The following COL24A1 variants were observed in gnomAD, a reference collection of about 807,000 sequenced individuals.
COL24A1 encodes collagen alpha-1(XXIV) chain.
A neutral mutation model predicts 253.9 loss-of-function variants in COL24A1; 224 were observed. The ratio of observed to expected loss-of-function variants is 0.88; its 90% CI spans 0.79 to 0.99. The LOEUF (loss-of-function observed/expected upper bound fraction) is 0.99, where lower values mean the gene tolerates loss of function less well. COL24A1 is among the 50% of genes least tolerant of loss of function. The pLI is 0.00. For synonymous variants in COL24A1, 685 were observed against 673.7 expected (o/e 1.02, Z -0.26); for missense variants, 2,131 against 2,068.5 (o/e 1.03, Z -0.59).
intron 11 of COL24A1, among the ~76,000 whole-genome samples, chr1:86,049,919 A>G (rs536001135): frequency 6.6e-6 from 1 of 152,242 alleles, no homozygotes; most frequent in East Asian, 1.9e-4. Context: ...GTACAATTAT[A>G]TTTCTATCAT....
intron 31 of COL24A1, among the ~76,000 whole-genome samples, chr1:85,894,410 C>T (rs1267190472): frequency 6.6e-6 from 1 of 152,072 alleles, no homozygotes; most frequent in Admixed American, 6.6e-5. Flanking sequence ...CATGTTTATA[C>T]AGGCATACAT....
In COL24A1 at chr1:85,896,810, G is replaced by A. The variant is rs916293133; in HGVS notation, c.2779-401C>T. Reference sequence around the variant, plus strand: ...ACCACCCACCGCGCACGGCCAAGATGTTGATTTTATGCCCTGACAACAGAA... The same window carrying A: ...ACCACCCACCGCGCACGGCCAAGATATTGATTTTATGCCCTGACAACAGAA... On this transcript the variant is annotated intron_variant, in intron 28 of 59. Transcript: ENST00000370571. Among the ~76,000 whole-genome samples the A allele has an allele frequency of 2.0e-5, 3 of 152,156 alleles. No homozygotes were observed. In the East Asian group the frequency reaches 5.8e-4, roughly 29 times the overall value.
intron 7 of COL24A1, among the ~76,000 whole-genome samples, chr1:86,086,295 C>T (rs1703059384): frequency 6.6e-6 from 1 of 152,072 alleles, no homozygotes; most frequent in Non-Finnish European, 1.5e-5. Context: ...GTGCTTCTGG[C>T]CAGAGTAACA....
intron 5 of COL24A1, among the ~76,000 whole-genome samples, chr1:86,103,109 A>C (rs1704618874): frequency 6.6e-6 from 1 of 152,158 alleles, no homozygotes; most frequent in Non-Finnish European, 1.5e-5. Context: ...CTTCTTGTTG[A>C]ATTGAACCTT....
chr1:86,133,118 T>C lies in COL24A1; in HGVS notation c.122-6904A>G, dbSNP rs187506657. Among the ~76,000 whole-genome samples the C allele has an allele frequency of 9.1e-4, 139 of 152,328 alleles. 2 individuals are homozygous for C. Among genetic ancestry groups the C allele is most frequent in the Admixed American group, 9.0e-3 (137 of 15,294 alleles). On this transcript the variant is annotated intron_variant, in intron 2 of 59. Coordinates refer to ENST00000370571, the MANE Select transcript of COL24A1 (RefSeq NM_152890.7). ...GGTATTTTATTCTCTTTGAAGCAAT[T>C]GTGAATGGGAGTTCACTCATGATTT...
At chr1:85,907,158 G>GC in intron 28 of COL24A1, 36 bp downstream of exon 28, 2 of 1,549,052 alleles carry the variant, frequency 1.3e-6, no homozygotes, top group South Asian at 1.1e-5. Flanking sequence ...AGTAATTTTG[G>GC]GGGGGTTAAT....
chr1:86,020,170 C>T (rs199679635), intron 18 of COL24A1, among the ~76,000 whole-genome samples: 1 of 131,634 alleles, frequency 7.6e-6, no homozygotes, highest in Admixed American at 8.2e-5. Flanking sequence ...TGGATTCAAG[C>T]GATTCTCCTG....
At chr1:85,896,951 T>C (rs978899235) in intron 28 of COL24A1, among the ~76,000 whole-genome samples, 3 of 152,166 alleles carry the variant, frequency 2.0e-5, no homozygotes, top group African/African-American at 7.2e-5. Context: ...AACACAGTAG[T>C]TGAGGTGGTT....
intron 7 of COL24A1, among the ~76,000 whole-genome samples, chr1:86,072,394 G>C (rs143659677): frequency 1.3e-5 from 2 of 152,288 alleles, no homozygotes; most frequent in East Asian, 3.9e-4. Flanking sequence ...AAGCTGCCAG[G>C]ATGTTAAAAC....
intron 28 of COL24A1, among the ~76,000 whole-genome samples, chr1:85,898,560 A>G (rs1314907149): frequency 6.6e-6 from 1 of 152,232 alleles, no homozygotes; most frequent in African/African-American, 2.4e-5. Flanking sequence ...ACTGAACTAC[A>G]GTCTTACTGT....
intron 19 of COL24A1, among the ~76,000 whole-genome samples, chr1:85,990,172 G>T (rs567467299): frequency 4.6e-5 from 7 of 151,582 alleles, no homozygotes; most frequent in Non-Finnish European, 1.0e-4. Flanking sequence ...TTCGTGGCTT[G>T]TTGTAGCCCC....
At chr1:85,758,707 G>A (rs1049250356) in intron 55 of COL24A1, among the ~76,000 whole-genome samples, 34 of 152,082 alleles carry the variant, frequency 2.2e-4, no homozygotes, top group African/African-American at 8.0e-4. Context: ...CCCACAGTAA[G>A]AAATACATTT....
intron 1 of COL24A1, among the ~76,000 whole-genome samples, chr1:86,147,568 G>A (rs1652068230): frequency 6.6e-6 from 1 of 152,144 alleles, no homozygotes; most frequent in African/African-American, 2.4e-5. Context: ...TCATGTAGAT[G>A]GATGGTTCCC....
At chr1:85,853,453 G>A (rs1321297877) in intron 37 of COL24A1, among the ~76,000 whole-genome samples, 1 of 152,132 alleles carries the variant, frequency 6.6e-6, no homozygotes, top group Non-Finnish European at 1.5e-5. Flanking sequence ...GCATCTTTAT[G>A]GTAGAACAGT....
At chr1:86,032,372 C>A (rs1698651461) in intron 13 of COL24A1, among the ~76,000 whole-genome samples, 1 of 151,386 alleles carries the variant, frequency 6.6e-6, no homozygotes, top group African/African-American at 2.4e-5. Context: ...TCATTTTTCT[C>A]ATTAAAATAG....
At chr1:85,841,559 C>T (rs557523512) in intron 41 of COL24A1, among the ~76,000 whole-genome samples, 4 of 152,120 alleles carry the variant, frequency 2.6e-5, no homozygotes, top group Non-Finnish European at 5.9e-5. Flanking sequence ...ATTAAGAATA[C>T]TGCTGTAGTT....
chr1:85,881,823 C>T (rs1164234167), intron 32 of COL24A1, among the ~76,000 whole-genome samples: 1 of 151,930 alleles, frequency 6.6e-6, no homozygotes, highest in East Asian at 1.9e-4. Flanking sequence ...CTATTGTTTT[C>T]CTGTTTTCAA....
rs370307196 is a variant in COL24A1, at chr1:86,115,357, T to A, written c.1513A>T (p.Ile505Phe). Residue 505 changes from isoleucine to phenylalanine, a missense_variant, in exon 4 of 60, where the codon ATC becomes TTC. Coordinates refer to ENST00000370571, the MANE Select transcript of COL24A1 (RefSeq NM_152890.7). Reference sequence around the variant, plus strand: ...CCTCTCTTCCCTGACGGACCTGGGATACCTGCTGGACCAGGTGGACCCTTG... The same window carrying A: ...CCTCTCTTCCCTGACGGACCTGGGAAACCTGCTGGACCAGGTGGACCCTTG... ...GPPGPPGPAG[I>F]PGPSGKRGPR... 9.9e-6 allele frequency: 16 copies of A among 1,613,868 alleles called. 1 individual carries two copies. Among genetic ancestry groups the A allele is most frequent in the Non-Finnish European group, 1.3e-5 (15 of 1,179,922 alleles).
chr1:85,891,049 T>C (rs969260877), intron 31 of COL24A1, among the ~76,000 whole-genome samples: 1 of 151,548 alleles, frequency 6.6e-6, no homozygotes, highest in African/African-American at 2.4e-5. Context: ...AAATTGCATC[T>C]TTTTTTCTTT....
Sources: gnomAD v4.1 joint callset for allele counts (sites outside exome capture counted in the v4.1 genomes callset) on GRCh38, gnomAD v4.1.1 for gene constraint, MANE v1.5 for transcripts, NCBI Gene and HGNC (gene_info 2026-07-23, HGNC 2026-07-21) for gene names.